Variants in A1CF observed in about 807,000 individuals in gnomAD.
A1CF encodes the protein APOBEC-1 stimulating protein.
A1CF carries 48 observed loss-of-function variants against 68.9 expected under a neutral mutation model. The observed-to-expected ratio is 0.70, with a 90% CI of 0.55 to 0.89. A1CF has a LOEUF of 0.89. Ranked by LOEUF, A1CF falls within the 40% of genes least tolerant of loss-of-function variation. The pLI, the probability that A1CF is intolerant of heterozygous loss-of-function variation, is 0.00. For missense variants in A1CF, 653 were observed against 718.9 expected, an observed-to-expected ratio of 0.91 and a Z score of 1.05; for synonymous variants, 272 against 260.4, an observed-to-expected ratio of 1.04 and a Z score of -0.43.
At chr10:50,843,938 T>C (rs1376231458) in intron 4 of A1CF, 50 bp downstream of exon 4, 4 of 1,605,914 alleles carry the variant, frequency 2.5e-6, no homozygotes, top group Admixed American at 3.4e-5. Context: ...AAGAGAACAG[T>C]ATTTTTCCCT....
chr10:50,847,078 T>C (rs936306994), intron 3 of A1CF, among the ~76,000 whole-genome samples: 1 of 152,206 alleles, frequency 6.6e-6, no homozygotes, highest in Non-Finnish European at 1.5e-5. Flanking sequence ...GAGTTTAAAA[T>C]AGATAAAGCC....
chr10:50,874,972 G>A (rs1841438820), intron 1 of A1CF, among the ~76,000 whole-genome samples: 3 of 152,120 alleles, frequency 2.0e-5, no homozygotes, highest in African/African-American at 7.2e-5. Flanking sequence ...AGATTTTAAA[G>A]CTTCTCAGGT....
chr10:50,818,810 G>C (rs1293268981), intron 8 of A1CF, among the ~76,000 whole-genome samples: 1 of 152,134 alleles, frequency 6.6e-6, no homozygotes, highest in Non-Finnish European at 1.5e-5. Flanking sequence ...GGCCCCTGAG[G>C]AGCTAATATG....
chr10:50,837,833 T>C (rs1387217333), intron 5 of A1CF, among the ~76,000 whole-genome samples: 1 of 152,106 alleles, frequency 6.6e-6, no homozygotes, highest in African/African-American at 2.4e-5. Flanking sequence ...GAAGAATATA[T>C]ATTGGTTTAA....
chr10:50,865,205 G>T (rs1276919701), intron 1 of A1CF, among the ~76,000 whole-genome samples: 7 of 152,076 alleles, frequency 4.6e-5, no homozygotes, highest in Non-Finnish European at 8.8e-5. Context: ...CTTACAGTGA[G>T]CTGCGATTAG....
chr10:50,875,936 C>A (rs1338328469), intron 1 of A1CF, among the ~76,000 whole-genome samples: 3 of 152,208 alleles, frequency 2.0e-5, no homozygotes, highest in Non-Finnish European at 4.4e-5. Flanking sequence ...CTGCCATGAC[C>A]TGGTCGTAAC....
At chr10:50,813,833 T>G in intron 10 of A1CF, 24 bp downstream of exon 10, 1 of 1,607,278 alleles carries the variant, frequency 6.2e-7, no homozygotes, top group Non-Finnish European at 8.5e-7. Flanking sequence ...TTAAAGAAAC[T>G]ATTTCTGGAA....
chr10:50,845,014 G>A (rs1415417353), intron 3 of A1CF, among the ~76,000 whole-genome samples: 1 of 152,104 alleles, frequency 6.6e-6, no homozygotes, highest in Admixed American at 6.6e-5. Context: ...TATCTGTGGT[G>A]TCTGTGGGTC....
intron 5 of A1CF, among the ~76,000 whole-genome samples, chr10:50,836,679 TCCCTCCC>T (rs1839512164): frequency 9.0e-6 from 1 of 111,532 alleles, no homozygotes; most frequent in African/African-American, 3.5e-5. Context: ...CCTAATGCTA[TCCCTCCC>T]CCCTCCCCCC....
intron 7 of A1CF, chr10:50,824,104 A>G (rs1838805037): frequency 6.6e-6 from 1 of 152,092 alleles, no homozygotes; most frequent in Non-Finnish European, 1.5e-5. Flanking sequence ...ATACATCATT[A>G]TATAGCCCTG....
At chr10:50,824,828 T>A (rs920909709) in intron 7 of A1CF, among the ~76,000 whole-genome samples, 1 of 152,216 alleles carries the variant, frequency 6.6e-6, no homozygotes, top group African/African-American at 2.4e-5. Context: ...CTCTGGGTCC[T>A]GTTTTTCTTA....
At chr10:50,816,826 T>G in intron 8 of A1CF, among the ~76,000 whole-genome samples, 1 of 152,202 alleles carries the variant, frequency 6.6e-6, no homozygotes, top group East Asian at 1.9e-4. Context: ...AAGTAAGTTT[T>G]CACTGGAGAA....
intron 2 of A1CF, among the ~76,000 whole-genome samples, chr10:50,860,886 T>G (rs376199950): frequency 6.6e-6 from 1 of 152,192 alleles, no homozygotes; most frequent in Admixed American, 6.5e-5. Flanking sequence ...AGGTGAAGGC[T>G]GCCACACTGG....
intron 1 of A1CF, among the ~76,000 whole-genome samples, chr10:50,882,668 T>G (rs888072194): frequency 2.0e-5 from 3 of 152,144 alleles, no homozygotes; most frequent in Admixed American, 6.5e-5. Context: ...GCAGTTGGAT[T>G]GTGAGAGCTG....
rs1469964588 is a variant in A1CF, at chr10:50,800,487, A to G, written c.*6242T>C. Reference sequence around the variant, plus strand: ...GTGGCAAAACCTATCAGGTGTTGCAATTATATTCAATTTTGAAAAATGCAG... The same window carrying G: ...GTGGCAAAACCTATCAGGTGTTGCAGTTATATTCAATTTTGAAAAATGCAG... On this transcript the variant is annotated 3_prime_UTR_variant, in exon 13 of 13. Coordinates refer to ENST00000373997, the MANE Select transcript of A1CF (RefSeq NM_014576.4). The G allele has an allele frequency of 2.0e-5, 3 of 152,178 alleles. No homozygotes were observed. Among genetic ancestry groups the G allele is most frequent in the Non-Finnish European group, 4.4e-5 (3 of 68,004 alleles). The allele number at this position is 152,178 out of a possible 1,614,324, so 9.4% of individuals were successfully genotyped here. A position where few individuals can be genotyped will look rare whatever the true frequency, so the allele number is the denominator to read the frequency against.
At chr10:50,861,179 C>T (rs1334048094) in intron 2 of A1CF, among the ~76,000 whole-genome samples, 2 of 151,942 alleles carry the variant, frequency 1.3e-5, no homozygotes, top group African/African-American at 4.8e-5. Context: ...CTGAAGTGAT[C>T]GTTTCTGAAA....
chr10:50,880,457 AG>A (rs1054415455), intron 1 of A1CF, among the ~76,000 whole-genome samples: 1 of 152,210 alleles, frequency 6.6e-6, no homozygotes, highest in African/African-American at 2.4e-5. Context: ...TCATCATCGT[AG>A]GGTGCCAATT....
chr10:50,805,326 A>C lies in A1CF; in HGVS notation c.*1403T>G, dbSNP rs1489847489. Reference sequence around the variant, plus strand: ...CTAATGAGATTGATGTAGGAGTAACAGGTATTTGGTGTTGGACTTAAGATT... The same window carrying C: ...CTAATGAGATTGATGTAGGAGTAACCGGTATTTGGTGTTGGACTTAAGATT... On this transcript the variant is annotated 3_prime_UTR_variant, in exon 13 of 13. Transcript: ENST00000373997. The C allele has an allele frequency of 6.6e-6, 1 of 152,192 alleles. No homozygotes were observed. The highest frequency in any genetic ancestry group is 2.4e-5 in the African/African-American group (1 of 41,450). The allele number at this position is 152,192 out of a possible 1,614,324, so 9.4% of individuals were successfully genotyped here.
In A1CF at chr10:50,803,630, T is replaced by C. The variant is rs1241801653; in HGVS notation, c.*3099A>G. 1 of 152,094 alleles carries C rather than the reference T, an allele frequency of 6.6e-6. No individual in the cohort carries two copies. The highest frequency in any genetic ancestry group is 1.9e-4 in the East Asian group (1 of 5,194). 9.4% of individuals were successfully genotyped at this position (152,094 alleles called of 1,614,324 possible). The stretch of plus-strand genomic sequence containing the variant: ...GGCAGCACTTTTATAGGAAAGAAAA[T>C]AGATACCCAATCCCATTGCTGATCA... On this transcript the variant is annotated 3_prime_UTR_variant, in exon 13 of 13. Transcript: ENST00000373997.
Sources: allele counts gnomAD v4.1 joint callset (sites outside exome capture counted in the v4.1 genomes callset), GRCh38; gene constraint gnomAD v4.1.1; transcripts MANE v1.5; gene names NCBI Gene and HGNC (gene_info 2026-07-23, HGNC 2026-07-21).